Variants in TXNRD1 observed in about 807,000 individuals in gnomAD.
The protein encoded by TXNRD1 is thioredoxin reductase 1, also known as thioredoxin reductase 1, cytoplasmic.
Under a neutral mutation model 80.3 loss-of-function variants are expected in TXNRD1, and 57 were observed. The ratio of observed to expected loss-of-function variants is 0.71; its 90% confidence interval spans 0.57 to 0.89. The LOEUF is 0.89. Among genes scored for constraint, TXNRD1 ranks in the 40% least tolerant of loss-of-function variants. The pLI is 0.00. For synonymous variants in TXNRD1, 291 were observed against 285.2 expected (o/e 1.02, Z -0.20); for missense variants, 730 against 803.0 (o/e 0.91, Z 1.10).
intron 7 of TXNRD1, 66 bp downstream of exon 7, chr12:104,315,962 G>T: frequency 1.3e-6 from 2 of 1,531,028 alleles, no homozygotes; most frequent in Non-Finnish European, 1.8e-6. Context: ...TTTTTGTGAT[G>T]CGTCGTCCAT....
chr12:104,337,974 T>C (rs903581990), intron 15 of TXNRD1, among the ~76,000 whole-genome samples: 11 of 148,016 alleles, frequency 7.4e-5, no homozygotes, highest in Admixed American at 6.0e-4. Flanking sequence ...TTTTTTTTTT[T>C]CCTGTAGGGA....
intron 10 of TXNRD1, among the ~76,000 whole-genome samples, chr12:104,323,651 C>T (rs2035636917): frequency 9.0e-6 from 1 of 110,834 alleles, no homozygotes. Context: ...ACCTCCCTCC[C>T]GGACGGGGCG....
chr12:104,331,904 A>G (rs1206976148), intron 14 of TXNRD1, among the ~76,000 whole-genome samples: 1 of 152,062 alleles, frequency 6.6e-6, no homozygotes, highest in Non-Finnish European at 1.5e-5. Flanking sequence ...GTGTATTTCT[A>G]TGAACGAGGG....
chr12:104,319,603 G>T lies in TXNRD1; in HGVS notation c.989+18G>T, dbSNP rs779984760. 11 of 1,544,882 alleles carry T rather than the reference G, an allele frequency of 7.1e-6. No individual in the cohort carries two copies. Among genetic ancestry groups the T allele is most frequent in the Non-Finnish European group, 9.7e-6 (11 of 1,136,402 alleles). On this transcript the variant is annotated intron_variant, in intron 9 of 16. Transcript: ENST00000525566. ...ATCAGCAGGTAAAGGAAAAAAGCAG[G>T]GTGGAAAAGAAAAACCCATTGTGGA...
At chr12:104,228,301 C>CAAAAA (rs11349965) in intron 1 of TXNRD1, among the ~76,000 whole-genome samples, 1 of 116,378 alleles carries the variant, frequency 8.6e-6, no homozygotes, top group Non-Finnish European at 1.8e-5. Context: ...AACTCCATCT[C>CAAAAA]AAAAAAAAAA....
At chr12:104,292,516 C>G (rs1019261144) in intron 4 of TXNRD1, among the ~76,000 whole-genome samples, 3 of 152,032 alleles carry the variant, frequency 2.0e-5, no homozygotes, top group Non-Finnish European at 2.9e-5. Flanking sequence ...GCCTCAGCCT[C>G]TCAAGTAGCT....
intron 6 of TXNRD1, among the ~76,000 whole-genome samples, chr12:104,315,469 C>G (rs1006736466): frequency 6.6e-6 from 1 of 152,118 alleles, no homozygotes; most frequent in Non-Finnish European, 1.5e-5. Context: ...GGGTTGTGTA[C>G]ATAGTAAGAT....
intron 6 of TXNRD1, among the ~76,000 whole-genome samples, chr12:104,315,285 C>T (rs189314949): frequency 1.2e-4 from 18 of 152,242 alleles, no homozygotes; most frequent in Admixed American, 8.5e-4. Flanking sequence ...AAACATGCTC[C>T]GAAAACTTAC....
intron 5 of TXNRD1, 107 bp downstream of exon 5, chr12:104,311,519 C>T: frequency 7.2e-7 from 1 of 1,393,572 alleles, no homozygotes; most frequent in Non-Finnish European, 9.5e-7. Context: ...TTGATCCACT[C>T]CTGTGACATT....
At chr12:104,290,248 CAA>C (rs1377000833) in intron 4 of TXNRD1, among the ~76,000 whole-genome samples, 8 of 151,980 alleles carry the variant, frequency 5.3e-5, no homozygotes, top group African/African-American at 1.9e-4. Context: ...TTATTTTTGA[CAA>C]ATGGTTATAG....
chr12:104,303,755 G>C, intron 4 of TXNRD1: 2 of 1,061,428 alleles, frequency 1.9e-6, no homozygotes, highest in African/African-American at 1.6e-5. Context: ...GGGCGTCCTC[G>C]GCTCTAACTG....
intron 1 of TXNRD1, among the ~76,000 whole-genome samples, chr12:104,234,808 G>A (rs889546228): frequency 1.3e-5 from 2 of 151,956 alleles, no homozygotes; most frequent in African/African-American, 2.4e-5. Context: ...TAGTAGGCCA[G>A]AAGGGAAAAG....
intron 4 of TXNRD1, among the ~76,000 whole-genome samples, chr12:104,305,869 C>T (rs946962229): frequency 2.6e-5 from 4 of 152,152 alleles, no homozygotes; most frequent in African/African-American, 9.7e-5. Context: ...CATGTAACAA[C>T]TTTGAATATT....
At chr12:104,225,309 A>G in intron 1 of TXNRD1, among the ~76,000 whole-genome samples, 1 of 152,236 alleles carries the variant, frequency 6.6e-6, no homozygotes, top group South Asian at 2.1e-4. Context: ...TAACAAGCAT[A>G]CAACTATTAA....
intron 4 of TXNRD1, chr12:104,304,487 C>T (rs775694938): frequency 6.2e-7 from 1 of 1,613,906 alleles, no homozygotes; most frequent in Non-Finnish European, 8.5e-7. Context: ...ACCAAAGCCC[C>T]GACTTGAACA....
intron 2 of TXNRD1, among the ~76,000 whole-genome samples, chr12:104,256,517 A>G (rs563157534): frequency 6.6e-6 from 1 of 152,302 alleles, no homozygotes; most frequent in African/African-American, 2.4e-5. Flanking sequence ...ATGGTGGCTC[A>G]TGCCTGTAAT....
At chr12:104,270,716 A>T (rs1363344629) in intron 3 of TXNRD1, among the ~76,000 whole-genome samples, 2 of 152,172 alleles carry the variant, frequency 1.3e-5, no homozygotes, top group African/African-American at 2.4e-5. Context: ...GCAATGACTA[A>T]ATACTGGCCT....
chr12:104,314,426 G>C (rs2035242923), intron 6 of TXNRD1, among the ~76,000 whole-genome samples: 2 of 152,186 alleles, frequency 1.3e-5, no homozygotes, highest in South Asian at 4.1e-4. Context: ...ATCTGTGTCA[G>C]ACACTGCTCT....
At chr12:104,320,042 A>G (rs1159527375) in intron 9 of TXNRD1, among the ~76,000 whole-genome samples, 1 of 152,242 alleles carries the variant, frequency 6.6e-6, no homozygotes, top group Admixed American at 6.5e-5. Context: ...ATTTAGATTT[A>G]TCAGAATCTA....
Sources: gnomAD v4.1 joint callset for allele counts (sites outside exome capture counted in the v4.1 genomes callset) on GRCh38, gnomAD v4.1.1 for gene constraint, MANE v1.5 for transcripts, NCBI Gene and HGNC (gene_info 2026-07-23, HGNC 2026-07-21) for gene names.